PPARG: variants seen among roughly 807,000 people sequenced by gnomAD.
PPARG encodes peroxisome proliferator-activated receptor gamma.
A neutral mutation model predicts 39.2 loss-of-function variants in PPARG; 17 were observed. That is an observed-to-expected ratio of 0.43 (90% confidence interval 0.30 to 0.65). The LOEUF (loss-of-function observed/expected upper bound fraction) is 0.65. PPARG is among the 30% of genes least tolerant of loss of function. The pLI, the probability that PPARG is intolerant of heterozygous loss-of-function variation, is 0.13. For synonymous variants in PPARG, 223 were observed against 215.7 expected, an observed-to-expected ratio of 1.03 and a Z score of -0.30; for missense variants, 406 against 585.9, an observed-to-expected ratio of 0.69 and a Z score of 3.17.
chr3:12,433,971 G>A lies in PPARG; in HGVS notation c.1254G>A (p.Gln418=), dbSNP rs762895412. ...QDNLLQALEL[Q]LKLNHPESSQ... ...ACCTGCTACAAGCCCTGGAGCTCCAGCTGAAGCTGAACCACCCTGAGTCCT... is the reference window on the plus strand; with the variant it reads ...ACCTGCTACAAGCCCTGGAGCTCCAACTGAAGCTGAACCACCCTGAGTCCT... The change falls in exon 8 of 8, where the codon CAG becomes CAA. Residue 418 remains glutamine (Q), a synonymous_variant. Transcript: ENST00000651735. 6.2e-7 allele frequency: 1 copy of A among 1,614,232 alleles called. No homozygotes were observed. The highest frequency in any genetic ancestry group is 8.5e-7 in the Non-Finnish European group (1 of 1,180,040).
intron 5 of PPARG, among the ~76,000 whole-genome samples, chr3:12,397,870 T>C (rs2050324557): frequency 6.6e-6 from 1 of 152,096 alleles, no homozygotes; most frequent in Non-Finnish European, 1.5e-5. Context: ...GAACCGCCCA[T>C]GTTGGAGCCC....
intron 2 of PPARG, 44 bp from the exon 3 acceptor site, chr3:12,379,657 GTGT>G: frequency 6.6e-7 from 1 of 1,512,258 alleles, no homozygotes. Context: ...TGAGATTGCT[GTGT>G]TCTCTAGGAC....
chr3:12,370,564 T>G (rs1316321700), intron 2 of PPARG, among the ~76,000 whole-genome samples: 2 of 152,184 alleles, frequency 1.3e-5, no homozygotes, highest in African/African-American at 4.8e-5. Flanking sequence ...AGTCGCAAAC[T>G]TCAACATAGG....
intron 2 of PPARG, among the ~76,000 whole-genome samples, chr3:12,330,380 A>C (rs566761924): frequency 1.3e-5 from 2 of 149,270 alleles, no homozygotes; most frequent in African/African-American, 2.5e-5. Flanking sequence ...GCATTTTCCT[A>C]ATGGCTGCTG....
chr3:12,291,282 G>A (rs1430051506), intron 1 of PPARG, among the ~76,000 whole-genome samples: 12 of 152,070 alleles, frequency 7.9e-5, no homozygotes, highest in Admixed American at 5.2e-4. Context: ...AACAAAAAGC[G>A]CAGTGATTTT....
intron 2 of PPARG, among the ~76,000 whole-genome samples, chr3:12,341,143 A>C (rs1373754028): frequency 2.6e-5 from 4 of 151,848 alleles, no homozygotes; most frequent in Non-Finnish European, 4.4e-5. Context: ...AGATCACGCC[A>C]CTGCACTCCA....
rs369959243 is a variant in PPARG at position 12,379,895 on chromosome 3, G to A, written c.184G>A (p.Asp62Asn). 1.9e-5 allele frequency: 31 copies of A among 1,613,196 alleles called. No individual in the cohort carries two copies. Among genetic ancestry groups the A allele is most frequent in the Non-Finnish European group, 2.5e-5 (30 of 1,179,196 alleles). The part of the protein sequence containing the change: ...PFTRTDPVVA[D>N]YKYDLKLQEY... The stretch of plus-strand genomic sequence containing the variant: ...CACAAGAACAGATCCAGTGGTTGCA[G>A]ATTACAAGTATGACCTGAAACTTCA... The change falls in exon 3 of 8, where the codon GAT becomes AAT. Residue 62 changes from aspartate (D) to asparagine (N), a missense_variant. Coordinates refer to ENST00000651735, the MANE Select transcript of PPARG (RefSeq NM_138711.6).
In PPARG at chr3:12,434,309, T is replaced by G. The variant is rs898119059; in HGVS notation, c.*164T>G. Reference sequence around the variant, plus strand: ...ATTGTTTATAAAGACACATTTACAATTTACTTTTAATATTAAAAATTACCA... The same window carrying G: ...ATTGTTTATAAAGACACATTTACAAGTTACTTTTAATATTAAAAATTACCA... On this transcript the variant is annotated 3_prime_UTR_variant, in exon 8 of 8. Coordinates refer to ENST00000651735, the MANE Select transcript of PPARG (RefSeq NM_138711.6). This position sits in a 1 kb window ranked among gnomAD's most constrained non-coding sequence, Gnocchi z 4.2. 38 of 927,566 alleles carry G rather than the reference T, an allele frequency of 4.1e-5. No individual in the cohort carries two copies. The highest frequency in any genetic ancestry group is 5.8e-5 in the Non-Finnish European group (36 of 617,490). The allele number at this position is 927,566 out of a possible 1,614,324, so 57.5% of individuals were successfully genotyped here.
At chr3:12,370,184 AT>A (rs1274736971) in intron 2 of PPARG, among the ~76,000 whole-genome samples, 1 of 151,156 alleles carries the variant, frequency 6.6e-6, no homozygotes, top group East Asian at 1.9e-4. Flanking sequence ...TAGGTTGGAA[AT>A]TTTTTTTTCT....
chr3:12,314,871 G>T (rs181101207), intron 2 of PPARG, among the ~76,000 whole-genome samples: 407 of 152,266 alleles, frequency 2.7e-3, no homozygotes, highest in African/African-American at 8.9e-3. Flanking sequence ...ATGTGGTACA[G>T]TGTGACATTT....
chr3:12,287,829 C>CCCCCACCCCCAT (rs2046542487), upstream of PPARG: 1 of 134,578 alleles, frequency 7.4e-6, no homozygotes, highest in Non-Finnish European at 1.7e-5. Context: ...CCCACCCCCA[C>CCCCCACCCCCAT]CCCCACCCCC....
chr3:12,397,770 T>G (rs1168155154), intron 5 of PPARG, among the ~76,000 whole-genome samples: 2 of 152,068 alleles, frequency 1.3e-5, no homozygotes, highest in East Asian at 3.9e-4. Context: ...ACCCAAATCT[T>G]AACTTTCAGA....
chr3:12,395,582 G>C (rs2050229646), intron 5 of PPARG, among the ~76,000 whole-genome samples: 2 of 152,224 alleles, frequency 1.3e-5, no homozygotes. Flanking sequence ...AATTCTTCCA[G>C]TTAGAAACAT....
intron 2 of PPARG, among the ~76,000 whole-genome samples, chr3:12,352,036 T>TTCATC (rs1384279837): frequency 6.6e-6 from 1 of 152,170 alleles, no homozygotes; most frequent in Non-Finnish European, 1.5e-5. Context: ...TTTTCCTCTT[T>TTCATC]TCATCTCATA....
chr3:12,398,607 A>G (rs566833306), intron 5 of PPARG, among the ~76,000 whole-genome samples: 7 of 152,300 alleles, frequency 4.6e-5, no homozygotes, highest in African/African-American at 1.7e-4. Context: ...ACCACAGAAT[A>G]CAAGCTAAGG....
At chr3:12,353,071 G>A (rs1457445859) in intron 2 of PPARG, among the ~76,000 whole-genome samples, 1 of 152,186 alleles carries the variant, frequency 6.6e-6, no homozygotes, top group African/African-American at 2.4e-5. Context: ...AGTACTGTTT[G>A]TGGTAAGGGA....
At chr3:12,304,139 G>T (rs2046998726) in intron 1 of PPARG, among the ~76,000 whole-genome samples, 1 of 152,168 alleles carries the variant, frequency 6.6e-6, no homozygotes, top group African/African-American at 2.4e-5. Context: ...TGTGTCACAA[G>T]TCACGCAAAT....
intron 2 of PPARG, among the ~76,000 whole-genome samples, chr3:12,337,327 G>A (rs2048040690): frequency 6.6e-6 from 1 of 152,164 alleles, no homozygotes; most frequent in Non-Finnish European, 1.5e-5. Context: ...AGGCACATAG[G>A]AGTGAGTAGG....
At chr3:12,379,506 T>C (rs1348352059) in intron 2 of PPARG, among the ~76,000 whole-genome samples, 198 bp from the exon 3 acceptor site, 3 of 152,214 alleles carry the variant, frequency 2.0e-5, no homozygotes, top group African/African-American at 7.2e-5. Flanking sequence ...TTATGATACC[T>C]GGGTAAAGGG....
Sources: allele counts gnomAD v4.1 joint callset (sites outside exome capture counted in the v4.1 genomes callset), GRCh38; gene constraint gnomAD v4.1.1; non-coding constraint Gnocchi (gnomAD v3.1); transcripts MANE v1.5; gene names NCBI Gene and HGNC (gene_info 2026-07-23, HGNC 2026-07-21).